CFAP70: variants seen among roughly 807,000 people sequenced by gnomAD.
CFAP70 encodes cilia and flagella associated protein 70.
Under a neutral mutation model 137.6 loss-of-function variants are expected in CFAP70, and 81 were observed. The observed-to-expected ratio is 0.59, with a 90% CI of 0.49 to 0.71. CFAP70 has a LOEUF of 0.71. CFAP70 is among the 30% of genes least tolerant of loss of function. CFAP70 has a pLI of 0.00. For missense variants in CFAP70, 976 were observed against 1,226.7 expected (o/e 0.80, Z 3.05); for synonymous variants, 382 against 423.6 (o/e 0.90, Z 1.20).
At position 73,354,614 on chromosome 10, in the gene CFAP70, C is replaced by T. The variant is rs1046476677; in HGVS notation, c.63+120G>A. ...AGACTAACAATAAGGAACACTGAGGCGGAATGCCACTGCTACATAAAGCCA... is the reference window on the plus strand; with the variant it reads ...AGACTAACAATAAGGAACACTGAGGTGGAATGCCACTGCTACATAAAGCCA... On this transcript the variant is annotated intron_variant, in intron 2 of 26. Transcript: ENST00000310715. 1.6e-5 allele frequency: 12 copies of T among 753,648 alleles called. No individual in the cohort carries two copies. The East Asian group carries it at 2.1e-4, about 13-fold the overall frequency. The allele number at this position is 753,648 out of a possible 1,614,324, so 46.7% of individuals were successfully genotyped here.
rs35177327 is a variant in CFAP70 at position 73,313,542 on chromosome 10, C to CAA, written c.913-901_913-900dup. ...TGGGCTACACAGCAAGACTCTGTCT[C>CAA]AAAAAAAAAAAAAAAAAAGGCCAGG... On this transcript the variant is annotated intron_variant, in intron 9 of 26. Transcript: ENST00000310715. Among the ~76,000 whole-genome samples, 86 of 90,268 alleles carry CAA rather than the reference C, an allele frequency of 9.5e-4. No individual in the cohort carries two copies. The Middle Eastern group carries it at 0.038, about 40-fold the overall frequency. The allele number at this position is 90,268 out of a possible 152,430, so 59.2% of individuals were successfully genotyped here.
chr10:73,283,490 C>T (rs2047417367), intron 19 of CFAP70, among the ~76,000 whole-genome samples: 1 of 150,592 alleles, frequency 6.6e-6, no homozygotes, highest in Non-Finnish European at 1.5e-5. Context: ...TTAGTTTTTG[C>T]TTCATTATCT....
chr10:73,351,124 T>G lies in CFAP70; in HGVS notation c.250+2432A>C, dbSNP rs1394184808. ...ATATATATATATATGTATGTTTTGT[T>G]TTTTTTTTTTGTGAGACGGAGTCTT... On this transcript the variant is annotated intron_variant, in intron 3 of 26. Coordinates refer to ENST00000310715, the Ensembl canonical transcript of CFAP70. Among the ~76,000 whole-genome samples, 12 of 133,812 alleles carry G rather than the reference T, an allele frequency of 9.0e-5. 1 individual carries two copies. In the East Asian group the frequency reaches 1.4e-3, roughly 16 times the overall value. 87.8% of individuals were successfully genotyped at this position (133,812 alleles called of 152,430 possible). A position where few individuals can be genotyped will look rare whatever the true frequency, so the allele number is the denominator to read the frequency against.
At chr10:73,310,165 C>G in exon 12 of CFAP70, 1 of 1,609,362 alleles carries the variant, frequency 6.2e-7, no homozygotes, top group Non-Finnish European at 8.5e-7. Flanking sequence ...AACCTTCTGG[C>G]TAGCTCCTCT....
chr10:73,318,173 T>C (rs1027764027), intron 9 of CFAP70, among the ~76,000 whole-genome samples: 19 of 152,294 alleles, frequency 1.2e-4, no homozygotes, highest in African/African-American at 4.6e-4. Flanking sequence ...CTCAAACTCC[T>C]TAGCTTTTCA....
At chr10:73,277,433 G>C in intron 20 of CFAP70, 72 bp from the exon 22 acceptor site, 1 of 1,544,856 alleles carries the variant, frequency 6.5e-7, no homozygotes, top group South Asian at 1.2e-5. Context: ...AGACACATTC[G>C]GGTGGGTGCG....
intron 25 of CFAP70, among the ~76,000 whole-genome samples, chr10:73,269,372 T>C (rs17738632): frequency 0.03 from 4,630 of 152,276 alleles, 205 homozygotes; most frequent in Admixed American, 0.12. Flanking sequence ...TGTGATACAA[T>C]ATTGCTCCTA....
chr10:73,332,373 T>C (rs980423382), intron 7 of CFAP70, among the ~76,000 whole-genome samples: 3 of 152,204 alleles, frequency 2.0e-5, no homozygotes, highest in East Asian at 1.9e-4. Context: ...TTTTGAAATA[T>C]GGCCACAGTG....
intron 7 of CFAP70, among the ~76,000 whole-genome samples, chr10:73,333,387 A>C (rs1384630821): frequency 6.6e-6 from 1 of 152,096 alleles, no homozygotes; most frequent in Non-Finnish European, 1.5e-5. Context: ...ACTGACAGAC[A>C]CCAAACCACA....
intron 24 of CFAP70, among the ~76,000 whole-genome samples, chr10:73,271,859 C>G (rs2046346288): frequency 6.6e-6 from 1 of 152,066 alleles, no homozygotes; most frequent in Non-Finnish European, 1.5e-5. Flanking sequence ...GCCACCATGC[C>G]TGGTTAATTT....
exon 17 of CFAP70, chr10:73,291,894 T>C (rs1181713984): frequency 5.6e-6 from 9 of 1,614,200 alleles, no homozygotes; most frequent in Non-Finnish European, 7.6e-6. Flanking sequence ...TGGATATGAC[T>C]CTGGTTGAGG....
rs2053990226 is a variant in CFAP70 at position 73,349,282 on chromosome 10, G to A, written c.251-761C>T. ...AGGGTGGGCGAGGTGGCTTATGCCTGTAATCCCAGCACTTTGGGAAGCTGA... is the reference window on the plus strand; with the variant it reads ...AGGGTGGGCGAGGTGGCTTATGCCTATAATCCCAGCACTTTGGGAAGCTGA... On this transcript the variant is annotated intron_variant, in intron 3 of 26. Transcript: ENST00000310715. Among the ~76,000 whole-genome samples, 3 of 152,216 alleles carry A rather than the reference G, an allele frequency of 2.0e-5. No homozygotes were observed. The South Asian group carries it at 6.2e-4, about 32-fold the overall frequency.
chr10:73,291,313 C>T (rs1198450525), exon 19 of CFAP70: 27 of 1,614,120 alleles, frequency 1.7e-5, no homozygotes, highest in Non-Finnish European at 2.3e-5. Flanking sequence ...CCTCTTTCCT[C>T]AGTGTCTTCT....
intron 9 of CFAP70, 129 bp downstream of exon 10, chr10:73,322,834 T>C (rs1024999494): frequency 7.9e-6 from 6 of 758,060 alleles, no homozygotes; most frequent in African/African-American, 5.3e-5. Flanking sequence ...TGTAAGGCTA[T>C]ATATTTAATA....
chr10:73,259,913 G>C (rs1326303894), intron 25 of CFAP70, among the ~76,000 whole-genome samples: 5 of 151,782 alleles, frequency 3.3e-5, no homozygotes, highest in Non-Finnish European at 7.4e-5. Flanking sequence ...TGTTGTCCCA[G>C]CTACTTGGGG....
intron 3 of CFAP70, among the ~76,000 whole-genome samples, chr10:73,349,639 C>A (rs2054036300): frequency 6.6e-6 from 1 of 152,166 alleles, no homozygotes; most frequent in Non-Finnish European, 1.5e-5. Flanking sequence ...TTGGAGTAAT[C>A]CTGTAGCATG....
chr10:73,281,587 C>G (rs147711691), intron 19 of CFAP70, among the ~76,000 whole-genome samples: 309 of 152,150 alleles, frequency 2.0e-3, no homozygotes, highest in African/African-American at 7.1e-3. Context: ...CGTAAATTCT[C>G]CTACCATGGC....
chr10:73,275,317 A>C lies in CFAP70; in HGVS notation c.2673+129T>G. 1 of 1,087,032 alleles carries C rather than the reference A, an allele frequency of 9.2e-7. No homozygotes were observed. The highest frequency in any genetic ancestry group is 1.3e-6 in the Non-Finnish European group (1 of 764,676). 67.3% of individuals were successfully genotyped at this position (1,087,032 alleles called of 1,614,324 possible). On this transcript the variant is annotated intron_variant, in intron 22 of 26. Coordinates refer to ENST00000310715, the Ensembl canonical transcript of CFAP70. This position sits in a 1 kb window ranked among gnomAD's most constrained non-coding sequence, Gnocchi z 4.0. ...TTAAGAAAAGCAAATGGAAGGGTAT[A>C]GAGAGATGAGTTTACTGACAGCTGA...
chr10:73,300,239 C>T (rs1341757418), intron 12 of CFAP70, among the ~76,000 whole-genome samples: 2 of 152,050 alleles, frequency 1.3e-5, no homozygotes, highest in South Asian at 2.1e-4. Flanking sequence ...AAAACCTCTA[C>T]CTTCTATTTT....
Sources: gnomAD v4.1 joint callset for allele counts (sites outside exome capture counted in the v4.1 genomes callset) on GRCh38, gnomAD v4.1.1 for gene constraint, Gnocchi (gnomAD v3.1) non-coding constraint, MANE v1.5 for transcripts, NCBI Gene and HGNC (gene_info 2026-07-23, HGNC 2026-07-21) for gene names.